The following RAPH1 variants were observed in gnomAD, a reference collection of about 807,000 sequenced individuals.
RAPH1 encodes the protein Ras association (RalGDS/AF-6) and pleckstrin homology domains 1, also known as ras-associated and pleckstrin homology domains-containing protein 1.
A neutral mutation model predicts 88.1 loss-of-function variants in RAPH1; 18 were observed. The observed-to-expected ratio is 0.20, with a 90% CI of 0.14 to 0.30. RAPH1 has a LOEUF of 0.30. Ranked by LOEUF, RAPH1 falls within the 10% of genes least tolerant of loss-of-function variation. RAPH1 has a pLI of 1.00. For missense variants in RAPH1, 1,448 were observed against 1,543.2 expected, an observed-to-expected ratio of 0.94 and a Z score of 1.03; for synonymous variants, 587 against 559.0, an observed-to-expected ratio of 1.05 and a Z score of -0.71.
At position 203,438,360 on chromosome 2, in the gene RAPH1, G is replaced by A. The variant is rs1351371937; in HGVS notation, c.*1077C>T. The A allele has an allele frequency of 6.0e-6, 2 of 334,376 alleles. No individual in the cohort carries two copies. The highest frequency in any genetic ancestry group is 4.4e-5 in the African/African-American group (2 of 45,904). 20.7% of individuals were successfully genotyped at this position (334,376 alleles called of 1,614,324 possible). On this transcript the variant is annotated 3_prime_UTR_variant, in exon 14 of 14. Coordinates refer to ENST00000319170, the MANE Select transcript of RAPH1 (RefSeq NM_213589.3). ...TTCTATAGAGCAATGCTCAAAAAAT[G>A]CATTTTAGAAAATGATTTTGTTTTT... is the stretch of plus-strand genomic sequence containing the variant.
At chr2:203,445,072 T>C in intron 12 of RAPH1, 62 bp from the exon 13 acceptor site, 1 of 1,471,114 alleles carries the variant, frequency 6.8e-7, no homozygotes, top group Admixed American at 1.8e-5. Flanking sequence ...AATATTCATA[T>C]GTATGTCTAG....
At chr2:203,506,486 C>T (rs1689002792) in intron 1 of RAPH1, among the ~76,000 whole-genome samples, 1 of 151,436 alleles carries the variant, frequency 6.6e-6, no homozygotes, top group Non-Finnish European at 1.5e-5. Context: ...CCACTGCACA[C>T]TCCAGCCTGG....
intron 1 of RAPH1, among the ~76,000 whole-genome samples, chr2:203,520,393 C>T (rs757555434): frequency 1.3e-5 from 2 of 151,210 alleles, no homozygotes; most frequent in Non-Finnish European, 2.9e-5. Flanking sequence ...TTTGGGAGGC[C>T]GAGGCGGGTG....
At chr2:203,522,147 T>C (rs1333126947) in intron 1 of RAPH1, among the ~76,000 whole-genome samples, 3 of 152,198 alleles carry the variant, frequency 2.0e-5, no homozygotes, top group East Asian at 1.9e-4. Context: ...CAATAAACTA[T>C]ACAGCTTTAA....
In RAPH1 at chr2:203,439,779, C is replaced by T. The variant is rs772599219; in HGVS notation, c.3411G>A (p.Glu1137=). The T allele has an allele frequency of 2.5e-5, 41 of 1,614,004 alleles. No homozygotes were observed. The highest frequency in any genetic ancestry group is 2.5e-6 in the Non-Finnish European group (3 of 1,180,034). Residue 1137 remains glutamate (E), a synonymous_variant, in exon 14 of 14, where the codon GAG becomes GAA. Coordinates refer to ENST00000319170, the MANE Select transcript of RAPH1 (RefSeq NM_213589.3). The part of the protein sequence containing the change: ...RNDSTRLTQA[E]ISEQPTMATV... ...TGGCCATTGTTGGCTGCTCAGAAAT[C>T]TCAGCTTGAGTGAGGCGGGTGCTAT...
At chr2:203,474,309 T>C (rs901357924) in intron 4 of RAPH1, among the ~76,000 whole-genome samples, 26 of 152,110 alleles carry the variant, frequency 1.7e-4, no homozygotes, top group Middle Eastern at 3.2e-3. Flanking sequence ...TATTGGGAAG[T>C]TGAAAATGCA....
chr2:203,504,067 G>C (rs1559492056), intron 1 of RAPH1, among the ~76,000 whole-genome samples: 1 of 152,158 alleles, frequency 6.6e-6, no homozygotes, highest in African/African-American at 2.4e-5. Flanking sequence ...AGTGTCTGAG[G>C]CTTTTCCAAG....
chr2:203,476,121 AT>A (rs1187237173), intron 4 of RAPH1, among the ~76,000 whole-genome samples: 2 of 152,200 alleles, frequency 1.3e-5, no homozygotes, highest in Admixed American at 1.3e-4. Flanking sequence ...TTAACCAAAA[AT>A]ATCCAAAATT....
intron 7 of RAPH1, among the ~76,000 whole-genome samples, chr2:203,457,835 C>T (rs2098521018): frequency 6.6e-6 from 1 of 152,140 alleles, no homozygotes; most frequent in Non-Finnish European, 1.5e-5. Context: ...CATAAACTGT[C>T]CTTACCCAGA....
intron 8 of RAPH1, 74 bp downstream of exon 8, chr2:203,457,456 T>C (rs2098520619): frequency 8.5e-7 from 1 of 1,172,788 alleles, no homozygotes; most frequent in Admixed American, 1.7e-5. Flanking sequence ...AGTGTTGGGA[T>C]TGCAGGCGTG....
chr2:203,455,844 C>T (rs1001416827), intron 8 of RAPH1, among the ~76,000 whole-genome samples: 7 of 144,312 alleles, frequency 4.9e-5, no homozygotes, highest in African/African-American at 1.8e-4. Context: ...CACGTCTCTA[C>T]TTAAAAAAAA....
chr2:203,438,174 G>T lies in RAPH1; in HGVS notation c.*1263C>A, dbSNP rs2098500004. 1.9e-6 allele frequency: 1 copy of T among 518,664 alleles called. No homozygotes were observed. Among genetic ancestry groups the T allele is most frequent in the Admixed American group, 1.9e-5 (1 of 51,562 alleles). The allele number at this position is 518,664 out of a possible 1,614,324, so 32.1% of individuals were successfully genotyped here. A position where few individuals can be genotyped will look rare whatever the true frequency, so the allele number is the denominator to read the frequency against. On this transcript the variant is annotated 3_prime_UTR_variant, in exon 14 of 14. Transcript: ENST00000319170. Reference sequence around the variant, plus strand: ...ACTAATCACAACCAGGCTGCAGTCAGCAAGGGTCCTGGTAGCCCCAGTAGC... The same window carrying T: ...ACTAATCACAACCAGGCTGCAGTCATCAAGGGTCCTGGTAGCCCCAGTAGC...
At chr2:203,489,129 C>T (rs1380836347) in intron 4 of RAPH1, among the ~76,000 whole-genome samples, 1 of 129,280 alleles carries the variant, frequency 7.7e-6, no homozygotes, top group Non-Finnish European at 1.6e-5. Flanking sequence ...AGTACAAACT[C>T]CATCTCAAAG....
intron 7 of RAPH1, among the ~76,000 whole-genome samples, chr2:203,457,934 A>C (rs2098521102): frequency 6.6e-6 from 1 of 152,222 alleles, no homozygotes; most frequent in Non-Finnish European, 1.5e-5. Context: ...AGGTTTAGAA[A>C]TTCATAAGTA....
intron 1 of RAPH1, among the ~76,000 whole-genome samples, chr2:203,519,880 C>T (rs1689786254): frequency 6.6e-6 from 1 of 152,172 alleles, no homozygotes; most frequent in South Asian, 2.1e-4. Flanking sequence ...ACTCATACAG[C>T]CACAATAGGT....
chr2:203,462,062 A>G (rs1361401982), intron 4 of RAPH1, 137 bp from the exon 5 acceptor site: 7 of 540,678 alleles, frequency 1.3e-5, no homozygotes. Context: ...TTAAAAAATA[A>G]CTGTTCACAA....
In RAPH1 at chr2:203,516,499, C is replaced by A. The variant is rs917580086; in HGVS notation, c.-1+18612G>T. 3.3e-5 allele frequency among the ~76,000 whole-genome samples: 5 copies of A among 152,316 alleles called. No homozygotes were observed. The East Asian group carries it at 7.7e-4, about 24-fold the overall frequency. ...GCGTGATGGCTCACGCCTGTAATCC[C>A]AGATTTTGGGAGGCCAAGGCGGGCA... On this transcript the variant is annotated intron_variant, in intron 1 of 13. Transcript: ENST00000319170.
In RAPH1 at chr2:203,440,345, T is replaced by A. The variant is rs1244998098; in HGVS notation, c.2845A>T (p.Thr949Ser). The change falls in exon 14 of 14, where the codon ACC becomes TCC. Residue 949 changes from threonine (T) to serine (S), a missense_variant. By Grantham distance (58) the Thr-to-Ser change is moderately conservative. Around this residue, in one of 2 missense-constraint regions of RAPH1, gnomAD observed 935 missense variants for 890.1 expected, o/e 1.05. Transcript: ENST00000319170. ...CCTGGAGATCCACTTTTGTCAGGGG[T>A]AGGAGAAGCTGTGGGTGGAGGTGGT... Reference protein sequence around the residue: ...PPPPPPTASPTPDKSGSPGKK... With the variant: ...PPPPPPTASPSPDKSGSPGKK... 1 of 1,608,610 alleles carries A rather than the reference T, an allele frequency of 6.2e-7. No individual in the cohort carries two copies. Among genetic ancestry groups the A allele is most frequent in the African/African-American group, 1.4e-5 (1 of 73,866 alleles).
chr2:203,440,907 T>TG lies in RAPH1; in HGVS notation c.2282dup (p.Thr762AsnfsTer161). On this transcript the variant is annotated frameshift_variant, in exon 14 of 14. Coordinates refer to ENST00000319170, the MANE Select transcript of RAPH1 (RefSeq NM_213589.3). LOFTEE classifies it low-confidence loss of function (END_TRUNC). ...GGATAGGAGGAGGTGGGGGGGGTGT[T>TG]GGGGGAGCCACCTGAGTAATATGCT... 1.8e-6 allele frequency: 1 copy of TG among 553,996 alleles called. No homozygotes were observed. 34.3% of individuals were successfully genotyped at this position (553,996 alleles called of 1,614,324 possible). A position where few individuals can be genotyped will look rare whatever the true frequency, so the allele number is the denominator to read the frequency against.
Sources: gnomAD v4.1 joint callset for allele counts (sites outside exome capture counted in the v4.1 genomes callset) on GRCh38, gnomAD v4.1.1 for gene constraint, gnomAD v4.1.1 regional missense constraint, MANE v1.5 for transcripts, NCBI Gene and HGNC (gene_info 2026-07-23, HGNC 2026-07-21) for gene names.